OR10J1: variants seen among roughly 807,000 people sequenced by gnomAD.
OR10J1 encodes olfactory receptor 10J1.
For synonymous variants in OR10J1, 202 were observed against 143.8 expected (o/e 1.40, Z -2.89); for missense variants, 474 against 376.6 (o/e 1.26, Z -2.14).
At chr1:159,427,382 A>T in the OR10J1 span, among the ~76,000 whole-genome samples, 1 of 151,830 alleles carries the variant, frequency 6.6e-6, no homozygotes, top group Non-Finnish European at 1.5e-5. Flanking sequence ...ATAGTTGAAG[A>T]GATTAATTAG....
chr1:159,411,528 T>A, the OR10J1 span, among the ~76,000 whole-genome samples: 2 of 152,110 alleles, frequency 1.3e-5, no homozygotes, highest in Non-Finnish European at 2.9e-5. Context: ...AACCCGTGCC[T>A]TTTTTTGTTT....
the OR10J1 span, among the ~76,000 whole-genome samples, chr1:159,398,947 C>A: frequency 6.6e-6 from 1 of 151,932 alleles, no homozygotes; most frequent in African/African-American, 2.4e-5. Flanking sequence ...GGTCATAGAG[C>A]ATGAAGCAGA....
chr1:159,412,714 G>T, the OR10J1 span, among the ~76,000 whole-genome samples: 1 of 151,966 alleles, frequency 6.6e-6, no homozygotes, highest in Admixed American at 6.6e-5. Context: ...TTAAATGTTA[G>T]TCCTAAAACC....
chr1:159,416,180 C>G, the OR10J1 span, among the ~76,000 whole-genome samples: 1 of 151,934 alleles, frequency 6.6e-6, no homozygotes, highest in African/African-American at 2.4e-5. Context: ...TTAGTTTTCT[C>G]TTGTTTGATT....
the OR10J1 span, among the ~76,000 whole-genome samples, chr1:159,432,035 G>A: frequency 3.3e-5 from 5 of 152,082 alleles, no homozygotes; most frequent in Admixed American, 6.5e-5. Context: ...AACCTTGATG[G>A]GTCCTTCAGT....
chr1:159,420,165 G>T, the OR10J1 span, among the ~76,000 whole-genome samples: 1 of 152,006 alleles, frequency 6.6e-6, no homozygotes, highest in African/African-American at 2.4e-5. Flanking sequence ...GTTTCCATTT[G>T]CCATAGAGTA....
Position 159,439,892 on chromosome 1 carries a change from T to G in OR10J1, c.101T>G (p.Leu34Arg). The change falls in exon 1 of 1, where the codon CTA becomes CGA. Residue 34 changes from leucine (L) to arginine (R), a missense_variant. Coordinates refer to ENST00000423932, the MANE Select transcript of OR10J1 (RefSeq NM_012351.3). ...QITLFGVFLALYILTLAGNII... is the reference protein window; with the variant it reads ...QITLFGVFLARYILTLAGNII... ...ACCCTTTTTGGCGTGTTCCTTGCAC[T>G]ATACATCTTAACCTTAGCAGGCAAT... is the stretch of plus-strand genomic sequence containing the variant. The G allele has an allele frequency of 6.2e-7, 1 of 1,614,208 alleles. No homozygotes were observed. Among genetic ancestry groups the G allele is most frequent in the Non-Finnish European group, 8.5e-7 (1 of 1,180,022 alleles).
the OR10J1 span, among the ~76,000 whole-genome samples, chr1:159,404,119 C>A: frequency 5.3e-5 from 8 of 151,742 alleles, no homozygotes; most frequent in Admixed American, 4.6e-4. Context: ...GTATAGCTGG[C>A]GGCTTGAGGG....
At chr1:159,402,480 A>T in the OR10J1 span, among the ~76,000 whole-genome samples, 1 of 152,042 alleles carries the variant, frequency 6.6e-6, no homozygotes, top group South Asian at 2.1e-4. Context: ...AGATGTGAAA[A>T]ACAAATTTTT....
chr1:159,411,626 C>T, the OR10J1 span, among the ~76,000 whole-genome samples: 1 of 152,116 alleles, frequency 6.6e-6, no homozygotes, highest in Non-Finnish European at 1.5e-5. Flanking sequence ...GAATACAGCA[C>T]ACTGATGAGT....
At chr1:159,410,178 G>T in the OR10J1 span, among the ~76,000 whole-genome samples, 2 of 152,034 alleles carry the variant, frequency 1.3e-5, no homozygotes, top group Non-Finnish European at 2.9e-5. Flanking sequence ...TTGTGTCTCT[G>T]CCCGGCTTTG....
the OR10J1 span, among the ~76,000 whole-genome samples, chr1:159,419,435 G>A: frequency 6.6e-6 from 1 of 152,300 alleles, no homozygotes; most frequent in South Asian, 2.1e-4. Context: ...GCCTGCACAA[G>A]TTTTCTGTCT....
upstream of OR10J1, among the ~76,000 whole-genome samples, chr1:159,434,281 A>G (rs943805565): frequency 6.6e-6 from 1 of 152,130 alleles, no homozygotes; most frequent in Non-Finnish European, 1.5e-5. Flanking sequence ...CTCCATAATA[A>G]CTAACTTATA....
the OR10J1 span, among the ~76,000 whole-genome samples, chr1:159,427,446 A>T: frequency 6.6e-6 from 1 of 151,934 alleles, no homozygotes; most frequent in African/African-American, 2.4e-5. Flanking sequence ...CACAAGAAAC[A>T]TTATCAAGTA....
the OR10J1 span, among the ~76,000 whole-genome samples, chr1:159,426,954 G>C: frequency 6.6e-6 from 1 of 151,798 alleles, no homozygotes; most frequent in Non-Finnish European, 1.5e-5. Flanking sequence ...GAGATAGGTA[G>C]TATTATTCCT....
upstream of OR10J1, chr1:159,439,689 T>G (rs12145616): frequency 0.13 from 178,256 of 1,406,290 alleles, 12,687 homozygotes; most frequent in Admixed American, 0.24. Context: ...GATTTGTAAC[T>G]GAGAACTATT....
At chr1:159,419,425 G>T in the OR10J1 span, among the ~76,000 whole-genome samples, 1 of 152,136 alleles carries the variant, frequency 6.6e-6, no homozygotes, top group Non-Finnish European at 1.5e-5. Flanking sequence ...ATGGGAGTTT[G>T]CCTGCACAAG....
At chr1:159,439,044 T>C (rs73031628), upstream of OR10J1, among the ~76,000 whole-genome samples, 3,994 of 152,328 alleles carry the variant, frequency 0.026, 173 homozygotes, top group African/African-American at 0.091. Flanking sequence ...AGATGTAGCA[T>C]AGTTTATAAC....
At chr1:159,405,599 A>T in the OR10J1 span, 1 of 404,324 alleles carries the variant, frequency 2.5e-6, no homozygotes, top group South Asian at 2.4e-5. Flanking sequence ...AGCTTCAGGT[A>T]GATGATGGAA....
Sources: gnomAD v4.1 joint callset for allele counts (sites outside exome capture counted in the v4.1 genomes callset) on GRCh38, gnomAD v4.1.1 for gene constraint, MANE v1.5 for transcripts, NCBI Gene and HGNC (gene_info 2026-07-23, HGNC 2026-07-21) for gene names.